TMEM44: variants seen among roughly 807,000 people sequenced by gnomAD.
TMEM44 encodes the protein transmembrane protein 44.
TMEM44 carries 43 observed loss-of-function variants against 47.8 expected under a neutral mutation model. The ratio of observed to expected loss-of-function variants is 0.90; its 90% CI spans 0.70 to 1.16. The LOEUF (loss-of-function observed/expected upper bound fraction) is 1.16. Among genes scored for constraint, TMEM44 ranks in the 50% most tolerant of loss-of-function variants. TMEM44 has a pLI of 0.00. For synonymous variants in TMEM44, 277 were observed against 238.8 expected (o/e 1.16, Z -1.48); for missense variants, 568 against 555.2 (o/e 1.02, Z -0.23).
At chr3:194,620,474 G>A (rs1035361351) in intron 5 of TMEM44, among the ~76,000 whole-genome samples, 6 of 152,086 alleles carry the variant, frequency 3.9e-5, no homozygotes, top group African/African-American at 1.4e-4. Flanking sequence ...CTAAGTGTTT[G>A]CTGACTCCTA....
chr3:194,603,981 G>T (rs890749910), intron 9 of TMEM44, among the ~76,000 whole-genome samples: 1 of 152,024 alleles, frequency 6.6e-6, no homozygotes, highest in Admixed American at 6.6e-5. Flanking sequence ...CGCCTCCTGG[G>T]TAGCTGGGAT....
chr3:194,618,550 TATATAGTTA>T (rs1397857425), intron 5 of TMEM44, among the ~76,000 whole-genome samples: 1 of 123,676 alleles, frequency 8.1e-6, no homozygotes, highest in Admixed American at 9.2e-5. Flanking sequence ...AATTAAATTA[TATATAGTTA>T]AGTTTATATA....
chr3:194,615,606 A>G lies in TMEM44; in HGVS notation c.875T>C (p.Leu292Pro), dbSNP rs1240153080. 6.2e-7 allele frequency: 1 copy of G among 1,614,084 alleles called. No individual in the cohort carries two copies. Among genetic ancestry groups the G allele is most frequent in the East Asian group, 2.2e-5 (1 of 44,878 alleles). ...EARESPDTQA[L>P]LTCAEKEEEN... ...TTCCTCTTTCTCTGCACAGGTCAAAAGGGCTTGGGTGTCAGGGCTCTCTCT... is the reference window on the plus strand; with the variant it reads ...TTCCTCTTTCTCTGCACAGGTCAAAGGGGCTTGGGTGTCAGGGCTCTCTCT... The change falls in exon 7 of 10, where the codon CTT (leucine) becomes CCT (proline). Residue 292 changes from leucine to proline, a missense_variant. By Grantham distance (98) the Leu-to-Pro change is moderately conservative (BLOSUM62 -3). Coordinates refer to ENST00000347147, the MANE Select transcript of TMEM44 (RefSeq NM_001011655.3).
At chr3:194,606,518 C>T (rs917536769) in intron 8 of TMEM44, among the ~76,000 whole-genome samples, 3 of 152,122 alleles carry the variant, frequency 2.0e-5, no homozygotes, top group Non-Finnish European at 2.9e-5. Context: ...AGCCCAGGTC[C>T]CTGAATCGGG....
chr3:194,608,103 G>C (rs1714954830), intron 8 of TMEM44, among the ~76,000 whole-genome samples: 1 of 152,216 alleles, frequency 6.6e-6, no homozygotes, highest in South Asian at 2.1e-4. Context: ...GCTTTGGCCA[G>C]ATGCTGCAGG....
chr3:194,599,884 C>A (rs1003206302), intron 9 of TMEM44, among the ~76,000 whole-genome samples: 1 of 151,652 alleles, frequency 6.6e-6, no homozygotes, highest in Non-Finnish European at 1.5e-5. Context: ...CTCAGCCTCC[C>A]GAGTAGCTGG....
chr3:194,625,178 G>C (rs1229235570), intron 3 of TMEM44, among the ~76,000 whole-genome samples: 4 of 152,192 alleles, frequency 2.6e-5, no homozygotes, highest in African/African-American at 9.6e-5. Context: ...TCCACTTCCA[G>C]TAGCTGTGAA....
At chr3:194,632,350 G>A (rs1422321349) in intron 1 of TMEM44, among the ~76,000 whole-genome samples, 1 of 152,234 alleles carries the variant, frequency 6.6e-6, no homozygotes, top group Non-Finnish European at 1.5e-5. Context: ...ACCTCTCCCA[G>A]GGGTGCTGGT....
intron 4 of TMEM44, 77 bp downstream of exon 4, chr3:194,623,452 C>G: frequency 6.6e-7 from 1 of 1,515,652 alleles, no homozygotes; most frequent in South Asian, 1.2e-5. Flanking sequence ...ACTCCCCTAG[C>G]CCCGGCCTCA....
Position 194,588,476 on chromosome 3 carries a change from T to C in TMEM44, c.*53A>G, listed in dbSNP as rs1712136270. 7.8e-6 allele frequency: 12 copies of C among 1,537,488 alleles called. No homozygotes were observed. The African/African-American group carries it at 9.5e-5, about 12-fold the overall frequency. ...TGCAGATTGATTCCCGCTGCGTTAC[T>C]GAACGAACTCCTGACCCTGGGCTCT... On this transcript the variant is annotated 3_prime_UTR_variant, in exon 10 of 10. Transcript: ENST00000347147.
intron 2 of TMEM44, among the ~76,000 whole-genome samples, chr3:194,627,676 C>T (rs1001055108): frequency 4.6e-5 from 7 of 152,132 alleles, no homozygotes; most frequent in Admixed American, 1.3e-4. Flanking sequence ...TGGGAGTTCA[C>T]ATACAAGAAG....
Position 194,615,573 on chromosome 3 carries a change from T to TG in TMEM44, c.907dup (p.Gln303ProfsTer48). ...GACCTTGTCCTCGTTCCTCACCTCC[T>TG]GGTTTTCTTCCTCTTTCTCTGCACA... On this transcript the variant is annotated frameshift_variant, in exon 7 of 10. Coordinates refer to ENST00000347147, the MANE Select transcript of TMEM44 (RefSeq NM_001011655.3). LOFTEE classifies it high-confidence loss of function. The TG allele has an allele frequency of 5.0e-6, 8 of 1,613,932 alleles. No individual in the cohort carries two copies. Among genetic ancestry groups the TG allele is most frequent in the Non-Finnish European group, 6.8e-6 (8 of 1,179,908 alleles).
chr3:194,606,507 A>G (rs1192821102), intron 8 of TMEM44, among the ~76,000 whole-genome samples: 1 of 152,092 alleles, frequency 6.6e-6, no homozygotes, highest in Non-Finnish European at 1.5e-5. Flanking sequence ...CTCTTCATAA[A>G]AGCCCAGGTC....
At chr3:194,618,807 C>T (rs1191664295) in intron 5 of TMEM44, among the ~76,000 whole-genome samples, 1 of 152,146 alleles carries the variant, frequency 6.6e-6, no homozygotes, top group African/African-American at 2.4e-5. Context: ...AAGAGTGTCA[C>T]ATTTCCCTCT....
In TMEM44 at chr3:194,623,247, G is replaced by T; in HGVS notation, c.589C>A (p.Arg197=). The T allele has an allele frequency of 6.2e-7, 1 of 1,610,916 alleles. No individual in the cohort carries two copies. The highest frequency in any genetic ancestry group is 1.1e-5 in the South Asian group (1 of 90,276). ...SVAAFGSWAS[R]IPPLSRICRG... Reference sequence around the variant, plus strand: ...ACAATTCTGGAGAGAGGGGGGATCCGAGAAGCCCAGGAGCCAAAGGCAGCA... The same window carrying T: ...ACAATTCTGGAGAGAGGGGGGATCCTAGAAGCCCAGGAGCCAAAGGCAGCA... The change falls in exon 5 of 10, where the codon CGG becomes AGG. Residue 197 remains arginine (R), a synonymous_variant. Transcript: ENST00000347147.
intron 7 of TMEM44, among the ~76,000 whole-genome samples, chr3:194,613,501 T>G (rs1224597099): frequency 6.7e-6 from 1 of 149,734 alleles, no homozygotes; most frequent in African/African-American, 2.5e-5. Flanking sequence ...AAAAAAAAAG[T>G]TTTTTTTCGA....
chr3:194,627,847 C>T (rs937234663), intron 2 of TMEM44, among the ~76,000 whole-genome samples: 17 of 152,106 alleles, frequency 1.1e-4, no homozygotes, highest in Non-Finnish European at 2.4e-4. Flanking sequence ...AGTGTGGTGG[C>T]GTGCGCCTGT....
In TMEM44 at chr3:194,628,431, A is replaced by G. The variant is rs1470622037; in HGVS notation, c.216T>C (p.Ser72=). The G allele has an allele frequency of 2.5e-6, 4 of 1,613,164 alleles. No individual in the cohort carries two copies. The highest frequency in any genetic ancestry group is 3.4e-6 in the Non-Finnish European group (4 of 1,179,660). Residue 72 remains serine, a synonymous_variant, in exon 2 of 10, where the codon AGT becomes AGC. Coordinates refer to ENST00000347147, the MANE Select transcript of TMEM44 (RefSeq NM_001011655.3). Reference sequence around the variant, plus strand: ...GAAGAGCCCCGACGGTGTCACACAGACTGGTCAGGAGGCAGCACGCAGCAC... The same window carrying G: ...GAAGAGCCCCGACGGTGTCACACAGGCTGGTCAGGAGGCAGCACGCAGCAC... The part of the protein sequence containing the change: ...ALCAACCLLT[S]LCDTVGALLA...
intron 8 of TMEM44, among the ~76,000 whole-genome samples, 171 bp downstream of exon 8, chr3:194,610,744 CA>C (rs1357115209): frequency 6.6e-6 from 1 of 152,202 alleles, no homozygotes; most frequent in African/African-American, 2.4e-5. Flanking sequence ...TTCTCTCCAA[CA>C]CTCCCCCATA....
Sources: gnomAD v4.1 joint callset for allele counts (sites outside exome capture counted in the v4.1 genomes callset) on GRCh38, gnomAD v4.1.1 for gene constraint, MANE v1.5 for transcripts, NCBI Gene and HGNC (gene_info 2026-07-23, HGNC 2026-07-21) for gene names.